YAP1: variants seen among roughly 807,000 people sequenced by gnomAD.
YAP1 encodes the protein Yes1 associated transcriptional regulator.
YAP1 carries 5 observed loss-of-function variants against 56.9 expected under a neutral mutation model. That is an observed-to-expected ratio of 0.09 (90% CI 0.05 to 0.18). The LOEUF is 0.18. YAP1 is among the 10% of genes least tolerant of loss of function. The probability of loss-of-function intolerance (pLI) is 1.00; values close to 1 mark genes in which losing one functional copy is unlikely to be tolerated. For synonymous variants in YAP1, 265 were observed against 248.1 expected (o/e 1.07, Z -0.64); for missense variants, 539 against 651.8 (o/e 0.83, Z 1.88).
At chr11:102,172,193 C>CA (rs138976808) in intron 3 of YAP1, among the ~76,000 whole-genome samples, 21,084 of 139,064 alleles carry the variant, frequency 0.15, 1,942 homozygotes, top group Middle Eastern at 0.24. Context: ...AACTTCTTCT[C>CA]AAAAAAAAAT....
chr11:102,136,304 G>T (rs1040356124), intron 2 of YAP1, among the ~76,000 whole-genome samples: 19 of 149,494 alleles, frequency 1.3e-4, no homozygotes, highest in Non-Finnish European at 7.4e-5. Flanking sequence ...ATAACTGCTT[G>T]CTTTTAATCC....
At chr11:102,194,679 A>G (rs1022728841) in intron 4 of YAP1, among the ~76,000 whole-genome samples, 1 of 152,184 alleles carries the variant, frequency 6.6e-6, no homozygotes, top group African/African-American at 2.4e-5. Context: ...CTGGGTGGTC[A>G]AGGGAGGTTT....
chr11:102,114,307 A>G lies in YAP1; in HGVS notation c.485A>G (p.Gln162Arg), dbSNP rs747453470. Residue 162 changes from glutamine (Q) to arginine (R), a missense_variant, in exon 2 of 9, where the codon CAG (glutamine) becomes CGG (arginine). Physicochemically the swap from Gln to Arg is conservative, Grantham distance 43. Transcript: ENST00000282441. ...ACACCCACAGCTCAGCATCTTCGAC[A>G]GTCTTCTTTTGAGATACCTGATGAT... is the stretch of plus-strand genomic sequence containing the variant. ...AATPTAQHLR[Q>R]SSFEIPDDVP... 23 of 1,614,080 alleles carry G rather than the reference A, an allele frequency of 1.4e-5. No homozygotes were observed. The Admixed American group carries it at 3.8e-4, about 27-fold the overall frequency.
chr11:102,119,013 A>G (rs1205139288), intron 2 of YAP1, among the ~76,000 whole-genome samples: 3 of 152,016 alleles, frequency 2.0e-5, no homozygotes, highest in African/African-American at 7.2e-5. Context: ...ATACACAAAC[A>G]AAAAACCAGT....
At chr11:102,214,069 T>C (rs1254637924) in intron 6 of YAP1, among the ~76,000 whole-genome samples, 2 of 152,262 alleles carry the variant, frequency 1.3e-5, no homozygotes, top group African/African-American at 2.4e-5. Flanking sequence ...AGAGTGAGAC[T>C]CTGCCTCAAA....
chr11:102,180,887 C>T (rs893198342), intron 3 of YAP1, among the ~76,000 whole-genome samples: 11 of 152,070 alleles, frequency 7.2e-5, no homozygotes, highest in African/African-American at 2.7e-4. Flanking sequence ...TAGCTCGCAC[C>T]TGTAATCCCA....
chr11:102,118,801 A>G (rs1943467008), intron 2 of YAP1, among the ~76,000 whole-genome samples: 1 of 151,606 alleles, frequency 6.6e-6, no homozygotes, highest in African/African-American at 2.4e-5. Flanking sequence ...TATCATATAC[A>G]GTGTACCTGG....
chr11:102,114,750 G>C (rs957673603), intron 2 of YAP1, among the ~76,000 whole-genome samples: 3 of 152,118 alleles, frequency 2.0e-5, no homozygotes, highest in African/African-American at 7.2e-5. Context: ...GGGAATTACA[G>C]GGCTAGCAGC....
At chr11:102,137,105 T>G (rs1010486175) in intron 2 of YAP1, among the ~76,000 whole-genome samples, 1 of 152,206 alleles carries the variant, frequency 6.6e-6, no homozygotes, top group Non-Finnish European at 1.5e-5. Context: ...AAAACATCTG[T>G]CTCCTTTGCC....
At chr11:102,152,628 C>T (rs529943981) in intron 2 of YAP1, among the ~76,000 whole-genome samples, 13 of 152,088 alleles carry the variant, frequency 8.5e-5, no homozygotes, top group Admixed American at 2.0e-4. Flanking sequence ...GTTTGCCCTT[C>T]GATTTCAGCA....
At chr11:102,211,872 T>C (rs1032194749) in intron 6 of YAP1, among the ~76,000 whole-genome samples, 2 of 152,060 alleles carry the variant, frequency 1.3e-5, no homozygotes, top group Non-Finnish European at 2.9e-5. Flanking sequence ...CCCAGCTAAT[T>C]TTTTGTGTTT....
chr11:102,229,308 G>C (rs12790399), intron 8 of YAP1, among the ~76,000 whole-genome samples: 45,827 of 152,040 alleles, frequency 0.3, 7,169 homozygotes, highest in East Asian at 0.36. Context: ...GCCAAGGTAG[G>C]TCTATACCAC....
At chr11:102,228,634 CAAAAAAAAAAAAAAAAAA>C (rs71059544) in intron 8 of YAP1, among the ~76,000 whole-genome samples, 1 of 31,626 alleles carries the variant, frequency 3.2e-5, no homozygotes, top group Non-Finnish European at 7.6e-5. Context: ...GACTCCGTCT[CAAAAAAAAAAAAAAAAAA>C]AAAAAAAAAG....
chr11:102,111,193 G>C (rs1183738268), intron 1 of YAP1, 24 bp downstream of exon 1: 1 of 1,609,294 alleles, frequency 6.2e-7, no homozygotes, highest in Admixed American at 1.7e-5. Context: ...CCCTCTCCCC[G>C]TTTCCCCGTC....
chr11:102,125,117 G>C (rs925715944), intron 2 of YAP1, among the ~76,000 whole-genome samples: 1 of 151,216 alleles, frequency 6.6e-6, no homozygotes, highest in Admixed American at 6.6e-5. Flanking sequence ...GCTCACTGCA[G>C]CCTCAACTTC....
intron 7 of YAP1, 97 bp downstream of exon 7, chr11:102,223,849 T>A: frequency 6.7e-7 from 1 of 1,484,184 alleles, no homozygotes; most frequent in South Asian, 1.3e-5. Context: ...AACATCTGTG[T>A]GGGCCAAAAA....
intron 2 of YAP1, among the ~76,000 whole-genome samples, chr11:102,136,941 C>T (rs1944709534): frequency 6.6e-6 from 1 of 152,126 alleles, no homozygotes; most frequent in South Asian, 2.1e-4. Context: ...TTTATCTTGT[C>T]TTGGCTGTTC....
Position 102,230,047 on chromosome 11 carries a change from T to C in YAP1, c.*107T>C. 3 of 909,848 alleles carry C rather than the reference T, an allele frequency of 3.3e-6. No homozygotes were observed. Among genetic ancestry groups the C allele is most frequent in the Non-Finnish European group, 5.2e-6 (3 of 581,930 alleles). 56.4% of individuals were successfully genotyped at this position (909,848 alleles called of 1,614,324 possible). A position where few individuals can be genotyped will look rare whatever the true frequency, so the allele number is the denominator to read the frequency against. On this transcript the variant is annotated 3_prime_UTR_variant, in exon 9 of 9. Coordinates refer to ENST00000282441, the MANE Select transcript of YAP1 (RefSeq NM_001130145.3). ...GTTTTCAGGCTAATACAGAAAAAGA[T>C]GAACAAACGTCCAGCAAGATACTTT...
At chr11:102,161,706 T>C (rs1042120819) in intron 2 of YAP1, among the ~76,000 whole-genome samples, 9 of 152,214 alleles carry the variant, frequency 5.9e-5, no homozygotes, top group Admixed American at 5.2e-4. Context: ...AATGAAACTT[T>C]GCTACAAGAA....
Sources: allele counts gnomAD v4.1 joint callset (sites outside exome capture counted in the v4.1 genomes callset), GRCh38; gene constraint gnomAD v4.1.1; transcripts MANE v1.5; gene names NCBI Gene and HGNC (gene_info 2026-07-23, HGNC 2026-07-21).